The following CNBD2 variants were observed in gnomAD, a reference collection of about 807,000 sequenced individuals.
CNBD2 encodes the protein cyclic nucleotide binding domain containing 2, also known as cyclic nucleotide-binding domain-containing protein 2.
Under a neutral mutation model 63.7 loss-of-function variants are expected in CNBD2, and 64 were observed. The observed-to-expected ratio is 1.00, with a 90% CI of 0.82 to 1.24. The LOEUF is 1.24. CNBD2 is among the 50% of genes most tolerant of loss of function. CNBD2 has a pLI of 0.00. For missense variants in CNBD2, 691 were observed against 713.5 expected (o/e 0.97, Z 0.36); for synonymous variants, 229 against 255.4 (o/e 0.90, Z 0.99).
intron 10 of CNBD2, among the ~76,000 whole-genome samples, chr20:36,013,002 G>A (rs1282253288): frequency 2.0e-5 from 3 of 152,042 alleles, no homozygotes; most frequent in Non-Finnish European, 2.9e-5. Context: ...AAGCACAGGG[G>A]ACTTTTAGGG....
intron 1 of CNBD2, among the ~76,000 whole-genome samples, 177 bp downstream of exon 1, chr20:35,968,990 C>T (rs370498014): frequency 6.6e-6 from 1 of 152,146 alleles, no homozygotes; most frequent in African/African-American, 2.4e-5. Context: ...ACCAGCCCCC[C>T]ACACTGGGCA....
chr20:35,967,659 C>T (rs1468475100), upstream of CNBD2, among the ~76,000 whole-genome samples: 2 of 151,680 alleles, frequency 1.3e-5, no homozygotes, highest in Non-Finnish European at 2.9e-5. Context: ...TTGAGACCAG[C>T]CTGGGCAACG....
At chr20:36,003,544 CTT>C (rs1350288745) in intron 8 of CNBD2, among the ~76,000 whole-genome samples, 2 of 152,126 alleles carry the variant, frequency 1.3e-5, no homozygotes, top group African/African-American at 4.8e-5. Flanking sequence ...TGCCCCATGA[CTT>C]GAGAGGTTTT....
At chr20:35,978,186 T>A (rs1244740118) in intron 3 of CNBD2, among the ~76,000 whole-genome samples, 1 of 152,138 alleles carries the variant, frequency 6.6e-6, no homozygotes, top group Non-Finnish European at 1.5e-5. Flanking sequence ...TTTTTATTTT[T>A]AGTTTTTGAG....
At chr20:36,021,597 T>C (rs2091166658) in intron 10 of CNBD2, among the ~76,000 whole-genome samples, 1 of 152,174 alleles carries the variant, frequency 6.6e-6, no homozygotes, top group South Asian at 2.1e-4. Context: ...GCCCTTTTTC[T>C]TCTTGAGCCC....
chr20:35,954,492 G>A (rs1261502693), upstream of CNBD2: 10 of 1,543,172 alleles, frequency 6.5e-6, no homozygotes, highest in African/African-American at 1.4e-5. Context: ...GAAAGTCTCT[G>A]GCTTCTCTGC....
At chr20:36,022,195 C>CTTTTTCTTTTTTTTTTTTTTTTTTTTT (rs1230527853) in intron 10 of CNBD2, among the ~76,000 whole-genome samples, 1 of 56,264 alleles carries the variant, frequency 1.8e-5, no homozygotes, top group African/African-American at 7.9e-5. Context: ...TTTTTTTTTT[C>CTTTTTCTTTTTTTTTTTTTTTTTTTTT]TTTTTTTTTT....
At chr20:36,002,279 C>T (rs1043380942) in intron 8 of CNBD2, among the ~76,000 whole-genome samples, 7 of 152,166 alleles carry the variant, frequency 4.6e-5, no homozygotes, top group Non-Finnish European at 8.8e-5. Context: ...CGCCTGCAAT[C>T]GCAGGCACTT....
chr20:35,996,547 G>A, intron 8 of CNBD2, among the ~76,000 whole-genome samples: 1 of 125,174 alleles, frequency 8.0e-6, no homozygotes, highest in African/African-American at 3.1e-5. Context: ...TCACTCTGTT[G>A]CCCAGGCTGG....
At chr20:36,013,713 A>G (rs142050409) in intron 10 of CNBD2, among the ~76,000 whole-genome samples, 2 of 152,308 alleles carry the variant, frequency 1.3e-5, no homozygotes, top group Non-Finnish European at 2.9e-5. Context: ...GAAATAAATC[A>G]GTTCAGTAAA....
chr20:36,003,604 C>T (rs774221023), intron 8 of CNBD2, among the ~76,000 whole-genome samples: 1 of 152,174 alleles, frequency 6.6e-6, no homozygotes, highest in Non-Finnish European at 1.5e-5. Context: ...TGTTTGAGCT[C>T]TGATGATTTA....
rs145711403 is a variant in CNBD2 at position 36,023,501 on chromosome 20, G to A, written c.1270-101G>A. 280 of 1,133,984 alleles carry A rather than the reference G, an allele frequency of 2.5e-4. No individual in the cohort carries two copies. The African/African-American group carries it at 3.9e-3, about 16-fold the overall frequency. 70.2% of individuals were successfully genotyped at this position (1,133,984 alleles called of 1,614,324 possible). The stretch of plus-strand genomic sequence containing the variant: ...GCACTCCAGCCTGGGCAACAACAGC[G>A]AAACTCCGTCTCAAAAAAAAATAAA... On this transcript the variant is annotated intron_variant, in intron 10 of 11. Coordinates refer to ENST00000373973, the MANE Select transcript of CNBD2 (RefSeq NM_001365709.1).
At position 35,984,107 on chromosome 20, in the gene CNBD2, C is replaced by A. The variant is rs551779036; in HGVS notation, c.533C>A (p.Pro178Gln). Residue 178 changes from proline to glutamine, a missense_variant, in exon 5 of 12, where the codon CCG (proline) becomes CAG (glutamine). By Grantham distance (76) the Pro-to-Gln change is moderately conservative. Transcript: ENST00000373973. The stretch of plus-strand genomic sequence containing the variant: ...AGCAGTGCCTTCCTAGATCCCCACC[C>A]GAAATTGCTGCACAAGGGTAGCTGT... ...DGSSAFLDPHPKLLHKGSCFG... is the reference protein window; with the variant it reads ...DGSSAFLDPHQKLLHKGSCFG... 17 of 1,611,766 alleles carry A rather than the reference C, an allele frequency of 1.1e-5. No individual in the cohort carries two copies. Among genetic ancestry groups the A allele is most frequent in the Non-Finnish European group, 1.3e-5 (15 of 1,178,828 alleles).
chr20:35,985,070 A>T (rs1293991812), intron 6 of CNBD2, among the ~76,000 whole-genome samples: 1 of 152,054 alleles, frequency 6.6e-6, no homozygotes, highest in Admixed American at 6.5e-5. Context: ...AGGTGGGAGG[A>T]TCCCTGAACC....
chr20:36,011,362 A>G, intron 10 of CNBD2, 105 bp downstream of exon 10: 1 of 1,294,448 alleles, frequency 7.7e-7, no homozygotes, highest in Non-Finnish European at 1.0e-6. Flanking sequence ...TCCATATTTG[A>G]TATTAAGGAA....
At chr20:35,969,465 A>G (rs936125554) in intron 1 of CNBD2, among the ~76,000 whole-genome samples, 1 of 150,322 alleles carries the variant, frequency 6.7e-6, no homozygotes, top group Non-Finnish European at 1.5e-5. Flanking sequence ...TTTCTCTTTA[A>G]TAGTAACCAC....
chr20:36,022,782 G>T (rs2057234605), intron 10 of CNBD2, among the ~76,000 whole-genome samples: 1 of 151,428 alleles, frequency 6.6e-6, no homozygotes, highest in Non-Finnish European at 1.5e-5. Context: ...ATCACATCTG[G>T]CTAACTTTTA....
At chr20:36,002,431 A>G (rs2056927047) in intron 8 of CNBD2, among the ~76,000 whole-genome samples, 1 of 151,982 alleles carries the variant, frequency 6.6e-6, no homozygotes, top group Non-Finnish European at 1.5e-5. Flanking sequence ...AGGGAGACGG[A>G]GAAGGAGAGG....
chr20:35,989,513 G>C (rs1414115441), intron 7 of CNBD2, among the ~76,000 whole-genome samples: 1 of 152,170 alleles, frequency 6.6e-6, no homozygotes, highest in Non-Finnish European at 1.5e-5. Flanking sequence ...GCTTTAAGAA[G>C]GGCTTCCTGG....
Sources: allele counts gnomAD v4.1 joint callset (sites outside exome capture counted in the v4.1 genomes callset), GRCh38; gene constraint gnomAD v4.1.1; transcripts MANE v1.5; gene names NCBI Gene and HGNC (gene_info 2026-07-23, HGNC 2026-07-21).